Variants in STK38L observed in about 807,000 individuals in gnomAD.
STK38L encodes the protein serine/threonine-protein kinase 38-like.
A neutral mutation model predicts 59.7 loss-of-function variants in STK38L; 28 were observed. That is an observed-to-expected ratio of 0.47 (90% CI 0.35 to 0.64). The LOEUF is 0.64. Ranked by LOEUF, STK38L falls within the 30% of genes least tolerant of loss-of-function variation. The pLI, the probability that STK38L is intolerant of heterozygous loss-of-function variation, is 0.01. For missense variants in STK38L, 314 were observed against 555.8 expected (o/e 0.56, Z 4.37); for synonymous variants, 162 against 176.8 (o/e 0.92, Z 0.66).
chr12:27,254,699 C>G (rs930151700), intron 1 of STK38L, among the ~76,000 whole-genome samples: 1 of 151,976 alleles, frequency 6.6e-6, no homozygotes, highest in Non-Finnish European at 1.5e-5. Flanking sequence ...GCTTTAGTGC[C>G]ATTACTGGTA....
Position 27,244,309 on chromosome 12 carries a change from G to C in STK38L, c.-35G>C, listed in dbSNP as rs1003331038. On this transcript the variant is annotated 5_prime_UTR_variant, in exon 1 of 14. Transcript: ENST00000389032. ...CTGCGGTCCGTGCGGAGGCTGAGCC[G>C]GCCGCGGGCGCGACCGGAGGCAGGT... 5 of 152,276 alleles carry C rather than the reference G, an allele frequency of 3.3e-5. No homozygotes were observed. Among genetic ancestry groups the C allele is most frequent in the African/African-American group, 1.2e-4 (5 of 41,472 alleles). The allele number at this position is 152,276 out of a possible 1,614,324, so 9.4% of individuals were successfully genotyped here.
intron 1 of STK38L, among the ~76,000 whole-genome samples, chr12:27,292,748 A>T (rs901713358): frequency 1.3e-5 from 2 of 152,214 alleles, no homozygotes; most frequent in East Asian, 3.8e-4. Flanking sequence ...AGAACATCAT[A>T]ATCATTACTA....
At chr12:27,281,063 C>CTTTT (rs1943643771) in intron 1 of STK38L, among the ~76,000 whole-genome samples, 2 of 14,262 alleles carry the variant, frequency 1.4e-4, no homozygotes, top group East Asian at 1.3e-3. Context: ...TTGGCTTTAG[C>CTTTT]TTTGTTTTTT....
rs1240520033 is a variant in STK38L, at chr12:27,308,209, T to G, written c.187-130T>G. The G allele has an allele frequency of 2.4e-6, 2 of 832,656 alleles. No homozygotes were observed. The highest frequency in any genetic ancestry group is 3.2e-6 in the Non-Finnish European group (2 of 627,988). 51.6% of individuals were successfully genotyped at this position (832,656 alleles called of 1,614,324 possible). On this transcript the variant is annotated intron_variant, in intron 3 of 13. Transcript: ENST00000389032. This position sits in a 1 kb window ranked among gnomAD's most constrained non-coding sequence, Gnocchi z 4.5. ...ATTTTAGAAAGTTTTCTTTAAATTG[T>G]TTTAGCCTAATAGTATATTACATAT...
intron 1 of STK38L, among the ~76,000 whole-genome samples, chr12:27,258,702 T>A: frequency 6.6e-6 from 1 of 152,356 alleles, no homozygotes; most frequent in Middle Eastern, 3.4e-3. Flanking sequence ...CCAAATATAA[T>A]TCTTTACATT....
At chr12:27,300,654 G>C (rs1944145583) in intron 2 of STK38L, 1 of 455,412 alleles carries the variant, frequency 2.2e-6, no homozygotes. Flanking sequence ...TTGTCTAAGG[G>C]TTGGGGCCTA....
At position 27,323,967 on chromosome 12, in the gene STK38L, G is replaced by A. The variant is rs1464122302; in HGVS notation, c.*1512G>A. ...TACAACCATGATAACCATTATAAAT[G>A]ATCTATGATCAAAATCTAAAGTGAT... On this transcript the variant is annotated 3_prime_UTR_variant, in exon 14 of 14. Transcript: ENST00000389032. 1 of 152,050 alleles carries A rather than the reference G, an allele frequency of 6.6e-6. No homozygotes were observed. The highest frequency in any genetic ancestry group is 6.5e-5 in the Admixed American group (1 of 15,274). 9.4% of individuals were successfully genotyped at this position (152,050 alleles called of 1,614,324 possible). A position where few individuals can be genotyped will look rare whatever the true frequency, so the allele number is the denominator to read the frequency against.
At chr12:27,300,133 G>A (rs1227525715) in intron 2 of STK38L, among the ~76,000 whole-genome samples, 1 of 151,916 alleles carries the variant, frequency 6.6e-6, no homozygotes, top group Non-Finnish European at 1.5e-5. Flanking sequence ...AATTATCTGT[G>A]TTATTGAAAA....
chr12:27,311,955 C>T (rs1354030946), intron 5 of STK38L, among the ~76,000 whole-genome samples: 1 of 152,032 alleles, frequency 6.6e-6, no homozygotes. Context: ...TCTCGGCTCA[C>T]TGCAACCTCC....
chr12:27,317,261 C>T lies in STK38L; in HGVS notation c.838-75C>T. The T allele has an allele frequency of 1.0e-5, 11 of 1,064,244 alleles. No individual in the cohort carries two copies. In the South Asian group the frequency reaches 1.7e-4, roughly 16 times the overall value. The allele number at this position is 1,064,244 out of a possible 1,614,324, so 65.9% of individuals were successfully genotyped here. On this transcript the variant is annotated intron_variant, in intron 9 of 13. Coordinates refer to ENST00000389032, the MANE Select transcript of STK38L (RefSeq NM_015000.4). ...TTAACTCCTCTATATATTGCTTTTT[C>T]CAGTAGTAAGCCATCCTCAGATAGA...
chr12:27,306,351 A>AT, intron 3 of STK38L, among the ~76,000 whole-genome samples: 1 of 146,004 alleles, frequency 6.8e-6, no homozygotes, highest in South Asian at 2.2e-4. Context: ...CTTTTATGTA[A>AT]TTAAAAAAAA....
intron 1 of STK38L, among the ~76,000 whole-genome samples, chr12:27,256,701 C>T (rs1943098969): frequency 1.3e-5 from 2 of 152,162 alleles, no homozygotes; most frequent in Non-Finnish European, 2.9e-5. Context: ...GAAAGTGTTT[C>T]CTTATATAAT....
At chr12:27,312,505 G>A (rs1177672664) in intron 5 of STK38L, 44 bp from the exon 6 acceptor site, 1 of 1,600,450 alleles carries the variant, frequency 6.2e-7, no homozygotes, top group African/African-American at 1.3e-5. Context: ...TAACAAATGT[G>A]TGATGTATTT....
intron 5 of STK38L, among the ~76,000 whole-genome samples, chr12:27,311,136 T>A (rs766758275): frequency 3.9e-5 from 6 of 152,216 alleles, no homozygotes; most frequent in Non-Finnish European, 8.8e-5. Context: ...CAAGCCATGT[T>A]TATGTTGTAG....
chr12:27,262,732 A>C (rs931291818), intron 1 of STK38L, among the ~76,000 whole-genome samples: 3 of 151,012 alleles, frequency 2.0e-5, no homozygotes, highest in Admixed American at 6.6e-5. Context: ...AAAAGGAATA[A>C]TATGGATAGA....
chr12:27,265,319 T>C (rs867282773), intron 1 of STK38L, among the ~76,000 whole-genome samples: 3 of 152,198 alleles, frequency 2.0e-5, no homozygotes, highest in Admixed American at 6.5e-5. Flanking sequence ...CTTGCTTCTT[T>C]TTCCATCATG....
intron 3 of STK38L, among the ~76,000 whole-genome samples, chr12:27,305,085 G>C (rs996767950): frequency 6.6e-6 from 1 of 152,176 alleles, no homozygotes; most frequent in Non-Finnish European, 1.5e-5. Context: ...GACAAATTAG[G>C]GAACCAAGGC....
At chr12:27,276,504 C>T (rs974578311) in intron 1 of STK38L, among the ~76,000 whole-genome samples, 1 of 151,856 alleles carries the variant, frequency 6.6e-6, no homozygotes, top group Admixed American at 6.6e-5. Flanking sequence ...TTCACATGCC[C>T]TGGAGAGAGT....
chr12:27,313,072 C>T lies in STK38L; in HGVS notation c.517+400C>T, dbSNP rs542069266. Among the ~76,000 whole-genome samples, 9 of 152,094 alleles carry T rather than the reference C, an allele frequency of 5.9e-5. No homozygotes were observed. In the East Asian group the frequency reaches 1.2e-3, roughly 20 times the overall value. ...GACCATCCTGGCTAACAAGGTGAAA[C>T]CCCGTCTCTACTAAAAATAAAAAAA... On this transcript the variant is annotated intron_variant, in intron 6 of 13. Transcript: ENST00000389032.
Sources: allele counts gnomAD v4.1 joint callset (sites outside exome capture counted in the v4.1 genomes callset), GRCh38; gene constraint gnomAD v4.1.1; non-coding constraint Gnocchi (gnomAD v3.1); transcripts MANE v1.5; gene names NCBI Gene and HGNC (gene_info 2026-07-23, HGNC 2026-07-21).